IFT46: variants seen among roughly 807,000 people sequenced by gnomAD.
The protein encoded by IFT46 is intraflagellar transport 46.
A neutral mutation model predicts 39.6 loss-of-function variants in IFT46; 19 were observed. The observed-to-expected ratio is 0.48, with a 90% CI of 0.33 to 0.70. IFT46 has a LOEUF of 0.70. Among genes scored for constraint, IFT46 ranks in the 30% least tolerant of loss-of-function variants. The pLI, the probability that IFT46 is intolerant of heterozygous loss-of-function variation, is 0.01. For missense variants in IFT46, 334 were observed against 364.8 expected, an observed-to-expected ratio of 0.92 and a Z score of 0.69; for synonymous variants, 117 against 134.8, an observed-to-expected ratio of 0.87 and a Z score of 0.91.
chr11:118,568,466 C>T (rs191390447), upstream of IFT46, among the ~76,000 whole-genome samples: 3 of 152,080 alleles, frequency 2.0e-5, no homozygotes, highest in East Asian at 1.9e-4. Flanking sequence ...ACAGGAGAAT[C>T]GCTTGAACCC....
chr11:118,555,407 T>C (rs895620472), intron 4 of IFT46, 85 bp from the exon 5 acceptor site: 15 of 973,250 alleles, frequency 1.5e-5, no homozygotes, highest in South Asian at 5.4e-5. Flanking sequence ...TTACTGACTA[T>C]AGGGACATGA....
At chr11:118,564,572 GAATA>G (rs1173961404) in intron 2 of IFT46, among the ~76,000 whole-genome samples, 3 of 152,076 alleles carry the variant, frequency 2.0e-5, no homozygotes, top group Non-Finnish European at 2.9e-5. Context: ...AAAGTTTGTT[GAATA>G]AATAAATAGT....
At chr11:118,560,249 A>G (rs1591369734) in intron 2 of IFT46, 1 of 154,944 alleles carries the variant, frequency 6.5e-6, no homozygotes, top group African/African-American at 2.8e-5. Flanking sequence ...CCCATCTACA[A>G]AAAAAAAAAA....
intron 9 of IFT46, among the ~76,000 whole-genome samples, chr11:118,550,493 T>C (rs1951784611): frequency 6.6e-6 from 1 of 152,132 alleles, no homozygotes; most frequent in Non-Finnish European, 1.5e-5. Flanking sequence ...TTTATTTATT[T>C]GTTTATTTTT....
intron 2 of IFT46, among the ~76,000 whole-genome samples, chr11:118,564,240 T>C (rs1319029891): frequency 6.6e-6 from 1 of 150,832 alleles, no homozygotes; most frequent in Non-Finnish European, 1.5e-5. Context: ...TCACTGTTAT[T>C]CTCCTTAACA....
chr11:118,555,005 A>G lies in IFT46; in HGVS notation c.339T>C (p.Ile113=), dbSNP rs150117746. 58 of 1,611,554 alleles carry G rather than the reference A, an allele frequency of 3.6e-5. No homozygotes were observed. The African/African-American group carries it at 6.8e-4, about 19-fold the overall frequency. The part of the protein sequence containing the change: ...IPDFIPAVGD[I]DAFLKVPRPD... ...CTGACTATACCTTTAAGAATGCATC[A>G]ATATCCCCGACAGCTGGGATAAAAT... Residue 113 remains isoleucine (I), a synonymous_variant, in exon 6 of 12, where the codon ATT becomes ATC. Transcript: ENST00000264021.
In IFT46 at chr11:118,558,437, A is replaced by C. The variant is rs558354277; in HGVS notation, c.45+1348T>G. ...TGGTGAAACCCCATCTCTACCAAAA[A>C]TACAAAAATTAGCCAGGCGTGGTGG... On this transcript the variant is annotated intron_variant, in intron 3 of 11. Coordinates refer to ENST00000264021, the MANE Select transcript of IFT46 (RefSeq NM_001168618.2). 9.8e-5 allele frequency among the ~76,000 whole-genome samples: 15 copies of C among 152,286 alleles called. 1 individual carries two copies. The highest frequency in any genetic ancestry group is 3.1e-4 in the African/African-American group (13 of 41,562).
At chr11:118,554,717 GA>G (rs1272669568) in intron 6 of IFT46, 130 bp from the exon 7 acceptor site, 19 of 996,560 alleles carry the variant, frequency 1.9e-5, no homozygotes, top group Admixed American at 2.8e-5. Context: ...ATACTATCCA[GA>G]AAAAAAATAT....
intron 4 of IFT46, chr11:118,555,647 C>T (rs952828861): frequency 1.7e-5 from 4 of 232,906 alleles, no homozygotes; most frequent in East Asian, 1.2e-4. Flanking sequence ...TAGGGCTGGG[C>T]GTGGTGGCTC....
chr11:118,574,025 T>C (rs1403565210), upstream of IFT46, among the ~76,000 whole-genome samples: 7 of 152,196 alleles, frequency 4.6e-5, no homozygotes, highest in African/African-American at 1.7e-4. Flanking sequence ...AAAAATATTC[T>C]TTGTTAAAAG....
chr11:118,560,106 C>T, intron 2 of IFT46: 1 of 461,464 alleles, frequency 2.2e-6, no homozygotes, highest in Non-Finnish European at 3.8e-6. Flanking sequence ...AAATTATCTG[C>T]CATTACATAA....
chr11:118,545,887 G>A (rs1951671978), intron 9 of IFT46, 34 bp from the exon 10 acceptor site: 1 of 1,596,288 alleles, frequency 6.3e-7, no homozygotes, highest in African/African-American at 1.3e-5. Context: ...AAGTCAAAAG[G>A]ATGGTGTCAG....
At chr11:118,560,751 G>C in intron 2 of IFT46, 1 of 683,352 alleles carries the variant, frequency 1.5e-6, no homozygotes, top group Admixed American at 2.1e-5. Flanking sequence ...GTGAAATTTA[G>C]AAGACGACGA....
At chr11:118,554,691 TATC>T in intron 6 of IFT46, 104 bp from the exon 7 acceptor site, 2 of 1,164,092 alleles carry the variant, frequency 1.7e-6, no homozygotes, top group Non-Finnish European at 2.4e-6. Context: ...AAAGCATGCT[TATC>T]ATGCTGTACG....
At chr11:118,546,687 C>T (rs1419390586) in intron 9 of IFT46, 1 of 153,820 alleles carries the variant, frequency 6.5e-6, no homozygotes, top group Non-Finnish European at 1.4e-5. Context: ...TGGAATTGGT[C>T]ATATGTTTTA....
At chr11:118,548,677 A>G (rs1195499664) in intron 9 of IFT46, among the ~76,000 whole-genome samples, 1 of 150,488 alleles carries the variant, frequency 6.6e-6, no homozygotes, top group Admixed American at 6.6e-5. Context: ...TAATTTTTCT[A>G]TTTTTAGTAG....
At chr11:118,576,324 G>C (rs1938501489), upstream of IFT46, among the ~76,000 whole-genome samples, 1 of 147,392 alleles carries the variant, frequency 6.8e-6, no homozygotes, top group African/African-American at 2.5e-5. Context: ...AACCGTCCTG[G>C]AGAGATCATC....
upstream of IFT46, among the ~76,000 whole-genome samples, chr11:118,569,883 TTTTG>T (rs1277166022): frequency 2.0e-5 from 3 of 152,074 alleles, no homozygotes; most frequent in African/African-American, 4.8e-5. Context: ...GACTTTGTTT[TTTTG>T]TTTGTTTGTT....
Position 118,544,593 on chromosome 11 carries a change from T to C in IFT46, c.*323A>G. 3.6e-6 allele frequency: 1 copy of C among 280,806 alleles called. No individual in the cohort carries two copies. The allele number at this position is 280,806 out of a possible 1,614,324, so 17.4% of individuals were successfully genotyped here. A position where few individuals can be genotyped will look rare whatever the true frequency, so the allele number is the denominator to read the frequency against. On this transcript the variant is annotated 3_prime_UTR_variant, in exon 12 of 12. Transcript: ENST00000264021. ...TAACTTTACGAATGAAAGAAAACAA[T>C]TCCATCCCTCTCACAAAAAGGACAT... is the stretch of plus-strand genomic sequence containing the variant.
Sources: gnomAD v4.1 joint callset for allele counts (sites outside exome capture counted in the v4.1 genomes callset) on GRCh38, gnomAD v4.1.1 for gene constraint, MANE v1.5 for transcripts, NCBI Gene and HGNC (gene_info 2026-07-23, HGNC 2026-07-21) for gene names.